ANPEP: variants seen among roughly 807,000 people sequenced by gnomAD.
ANPEP encodes the protein aminopeptidase N.
Under a neutral mutation model 114.6 loss-of-function variants are expected in ANPEP, and 70 were observed. The ratio of observed to expected loss-of-function variants is 0.61; its 90% confidence interval spans 0.50 to 0.75. The LOEUF is 0.75. Ranked by LOEUF, ANPEP falls within the 30% of genes least tolerant of loss-of-function variation. The pLI is 0.00. For missense variants in ANPEP, 1,184 were observed against 1,259.5 expected (o/e 0.94, Z 0.91); for synonymous variants, 548 against 522.3 (o/e 1.05, Z -0.67).
intron 1 of ANPEP, among the ~76,000 whole-genome samples, chr15:89,813,999 G>GGGGGGGC (rs1555442965): frequency 3.3e-5 from 5 of 151,132 alleles, no homozygotes; most frequent in Admixed American, 6.6e-5. Context: ...GCTGGGGGGG[G>GGGGGGGC]GGGGTGCGTT....
At chr15:89,801,249 G>A (rs1894582952) in intron 11 of ANPEP, 62 bp from the exon 12 acceptor site, 5 of 1,581,740 alleles carry the variant, frequency 3.2e-6, no homozygotes, top group Admixed American at 1.7e-5. Flanking sequence ...GTGAGGAGCA[G>A]CTGCCCAGGC....
Position 89,806,400 on chromosome 15 carries a change from C to A in ANPEP, c.184G>T (p.Ala62Ser), listed in dbSNP as rs574341939. ...SASATTNPAS[A>S]TTLDQSKAWN... is the part of the protein sequence containing the mutation. ...GCTTTACTTTGGTCCAAGGTGGTGG[C>A]CGAGGCGGGGTTGGTGGTGGCTGAG... Residue 62 changes from alanine to serine, a missense_variant, in exon 2 of 21, where the codon GCC becomes TCC. By Grantham distance (99) the Ala-to-Ser change is moderately conservative (BLOSUM62 1). Transcript: ENST00000300060. This position sits in a 1 kb window ranked among gnomAD's most constrained non-coding sequence, Gnocchi z 5.7. 4.0e-4 allele frequency: 649 copies of A among 1,614,080 alleles called. 8 individuals are homozygous for A. The South Asian group carries it at 6.5e-3, about 16-fold the overall frequency.
chr15:89,788,116 A>G (rs1412285271), intron 20 of ANPEP, among the ~76,000 whole-genome samples: 1 of 152,258 alleles, frequency 6.6e-6, no homozygotes, highest in Non-Finnish European at 1.5e-5. Flanking sequence ...CAAATGACCC[A>G]GCAATTCCGC....
intron 10 of ANPEP, among the ~76,000 whole-genome samples, 159 bp from the exon 11 acceptor site, chr15:89,801,766 A>G (rs1308680525): frequency 6.6e-6 from 1 of 152,208 alleles, no homozygotes; most frequent in African/African-American, 2.4e-5. Context: ...GGTACCGTCC[A>G]GCTCTGCCTC....
rs1968612723 is a variant in ANPEP, at chr15:89,791,022, G to C, written c.2600C>G (p.Thr867Ser). ...QDATSTIISI[T>S]NNVIGQGLVW... is the part of the protein sequence containing the mutation. Reference sequence around the variant, plus strand: ...CAGACCTTGCCCAATGACGTTGTTGGTAATGCTGATGATGGTAGAGGTGGC... The same window carrying C: ...CAGACCTTGCCCAATGACGTTGTTGCTAATGCTGATGATGGTAGAGGTGGC... Residue 867 changes from threonine (T) to serine (S), a missense_variant, in exon 19 of 21, where the codon ACC becomes AGC. Transcript: ENST00000300060. 1 of 1,614,126 alleles carries C rather than the reference G, an allele frequency of 6.2e-7. No individual in the cohort carries two copies.
At chr15:89,785,847 T>A (rs534546813) in intron 20 of ANPEP, among the ~76,000 whole-genome samples, 114 of 152,238 alleles carry the variant, frequency 7.5e-4, no homozygotes, top group African/African-American at 2.4e-3. Flanking sequence ...ATGATCCAGT[T>A]GCTTCAGTAA....
In ANPEP at chr15:89,805,931, C is replaced by A. The variant is rs147101289; in HGVS notation, c.614+39G>T. The stretch of plus-strand genomic sequence containing the variant: ...TCAGAATCCAGCCTTGCCTCAGCAC[C>A]TCGGATCCACCCCACCGGGCAGCCC... On this transcript the variant is annotated intron_variant, in intron 2 of 20. Transcript: ENST00000300060. 6 of 1,557,642 alleles carry A rather than the reference C, an allele frequency of 3.9e-6. No individual in the cohort carries two copies. The East Asian group carries it at 1.1e-4, about 29-fold the overall frequency.
Position 89,805,231 on chromosome 15 carries a change from A to ATG in ANPEP, c.758-16_758-15dup. On this transcript the variant is annotated splice_polypyrimidine_tract_variant and intron_variant, in intron 3 of 20. Transcript: ENST00000300060. ...GGGTGCTGGGACCTGGGCAGGGAGCATGTGTGTGTGAGGACGTACCCTCCT... is the reference window on the plus strand; with the variant it reads ...GGGTGCTGGGACCTGGGCAGGGAGCATGTGTGTGTGTGAGGACGTACCCTCCT... The ATG allele has an allele frequency of 6.2e-7, 1 of 1,614,154 alleles. No homozygotes were observed. The highest frequency in any genetic ancestry group is 8.5e-7 in the Non-Finnish European group (1 of 1,180,012).
chr15:89,805,015 A>G, intron 4 of ANPEP, 63 bp downstream of exon 4: 2 of 1,607,144 alleles, frequency 1.2e-6, no homozygotes, highest in South Asian at 2.2e-5. Context: ...GGATGAAGAG[A>G]ACGGGAAGAC....
At chr15:89,793,512 G>C (rs1968672211) in intron 15 of ANPEP, among the ~76,000 whole-genome samples, 1 of 151,934 alleles carries the variant, frequency 6.6e-6, no homozygotes, top group Non-Finnish European at 1.5e-5. Context: ...ATCAGCCTGG[G>C]CAACATGGTG....
Position 89,797,735 on chromosome 15 carries a change from A to C in ANPEP, c.2010-13T>G. 6.2e-7 allele frequency: 1 copy of C among 1,613,842 alleles called. No individual in the cohort carries two copies. The highest frequency in any genetic ancestry group is 1.1e-5 in the South Asian group (1 of 91,036). ...GACCTTATGGGCACTGGGAATAAAC[A>C]GAGGGGCCCAAGTAAAGCACCTCCA... On this transcript the variant is annotated splice_polypyrimidine_tract_variant and intron_variant, in intron 14 of 20. Coordinates refer to ENST00000300060, the MANE Select transcript of ANPEP (RefSeq NM_001150.3).
chr15:89,799,306 C>T lies in ANPEP; in HGVS notation c.1963G>A (p.Val655Ile), dbSNP rs755535670. 1.9e-6 allele frequency: 3 copies of T among 1,614,088 alleles called. No homozygotes were observed. Among genetic ancestry groups the T allele is most frequent in the Non-Finnish European group, 1.7e-6 (2 of 1,180,050 alleles). The part of the protein sequence containing the change: ...QLQRDHSAIP[V>I]INRAQIINDA... ...TTAATGATCTGTGCCCGATTGATGA[C>T]AGGGATGGCCTAGAATGCGAAGCAC... The change falls in exon 14 of 21, where the codon GTC becomes ATC. Residue 655 changes from valine (V) to isoleucine (I), a missense_variant. Transcript: ENST00000300060. This position sits in a 1 kb window ranked among gnomAD's most constrained non-coding sequence, Gnocchi z 4.2.
intron 2 of ANPEP, 22 bp from the exon 3 acceptor site, chr15:89,805,485 A>G: frequency 1.2e-6 from 2 of 1,613,074 alleles, no homozygotes; most frequent in Non-Finnish European, 1.7e-6. Context: ...GGAAGGTTAG[A>G]GGGTGTGCCA....
Position 89,814,426 on chromosome 15 carries a change from C to T in ANPEP, c.-224+346G>A, listed in dbSNP as rs536576455. 5.1e-3 allele frequency among the ~76,000 whole-genome samples: 783 copies of T among 152,302 alleles called. 7 individuals are homozygous for T. The highest frequency in any genetic ancestry group is 0.018 in the African/African-American group (741 of 41,578). ...TGGCCGCGGCCGAGCCGGGTCCACCCGCCGCAGCTTAGCTCCGCTCCGCCG... is the reference window on the plus strand; with the variant it reads ...TGGCCGCGGCCGAGCCGGGTCCACCTGCCGCAGCTTAGCTCCGCTCCGCCG... On this transcript the variant is annotated intron_variant, in intron 1 of 20. Transcript: ENST00000300060.
chr15:89,804,024 G>A (rs755526876), intron 6 of ANPEP, 22 bp from the exon 7 acceptor site: 3 of 1,611,576 alleles, frequency 1.9e-6, no homozygotes, highest in African/African-American at 1.3e-5. Flanking sequence ...GGGGTCAGCT[G>A]GGCAAGCCAC....
chr15:89,811,387 T>C (rs1158633600), intron 1 of ANPEP, among the ~76,000 whole-genome samples: 1 of 152,030 alleles, frequency 6.6e-6, no homozygotes, highest in African/African-American at 2.4e-5. Flanking sequence ...TGGCTCATGC[T>C]TGTAATCCCT....
intron 12 of ANPEP, 147 bp downstream of exon 12, chr15:89,800,964 C>A: frequency 1.5e-6 from 1 of 679,224 alleles, no homozygotes; most frequent in Non-Finnish European, 2.5e-6. Context: ...CAGAGTCACA[C>A]AGCGAAGCAG....
Position 89,802,692 on chromosome 15 carries a change from G to T in ANPEP, c.1569+547C>A, listed in dbSNP as rs563583925. The T allele has an allele frequency of 8.8e-4, 147 of 166,308 alleles. 1 individual carries two copies. Among genetic ancestry groups the T allele is most frequent in the African/African-American group, 3.4e-3 (140 of 41,574 alleles). 10.3% of individuals were successfully genotyped at this position (166,308 alleles called of 1,614,324 possible). A position where few individuals can be genotyped will look rare whatever the true frequency, so the allele number is the denominator to read the frequency against. On this transcript the variant is annotated intron_variant, in intron 10 of 20. Coordinates refer to ENST00000300060, the MANE Select transcript of ANPEP (RefSeq NM_001150.3). ...AGGTGGACTCCAACCCTGGGGGAGG[G>T]AGAGGAGCGGCGGCCTCTGGGGGAA...
Position 89,785,224 on chromosome 15 carries a change from G to C in ANPEP, c.*125C>G, listed in dbSNP as rs551351938. On this transcript the variant is annotated 3_prime_UTR_variant, in exon 21 of 21. Coordinates refer to ENST00000300060, the MANE Select transcript of ANPEP (RefSeq NM_001150.3). The stretch of plus-strand genomic sequence containing the variant: ...ACAGGCAGAGAGAACGTGGGCTGGA[G>C]ACTTTGTCCTTGAGGGGAGGACACT... 16 of 1,284,562 alleles carry C rather than the reference G, an allele frequency of 1.2e-5. No individual in the cohort carries two copies. 79.6% of individuals were successfully genotyped at this position (1,284,562 alleles called of 1,614,324 possible). A position where few individuals can be genotyped will look rare whatever the true frequency, so the allele number is the denominator to read the frequency against.
Sources: allele counts gnomAD v4.1 joint callset (sites outside exome capture counted in the v4.1 genomes callset), GRCh38; gene constraint gnomAD v4.1.1; non-coding constraint Gnocchi (gnomAD v3.1); transcripts MANE v1.5; gene names NCBI Gene and HGNC (gene_info 2026-07-23, HGNC 2026-07-21).